The following MNAT1 variants were observed in gnomAD, a reference collection of about 807,000 sequenced individuals.
The protein encoded by MNAT1 is MNAT1 component of CDK activating kinase.
A neutral mutation model predicts 42.0 loss-of-function variants in MNAT1; 43 were observed. That is an observed-to-expected ratio of 1.02 (90% CI 0.80 to 1.32). MNAT1 has a LOEUF of 1.32. MNAT1 is among the 40% of genes most tolerant of loss of function. MNAT1 has a pLI of 0.00. For synonymous variants in MNAT1, 118 were observed against 120.0 expected (o/e 0.98, Z 0.11); for missense variants, 306 against 350.4 (o/e 0.87, Z 1.01).
chr14:60,804,079 A>G (rs2032292861), intron 3 of MNAT1, among the ~76,000 whole-genome samples: 1 of 152,208 alleles, frequency 6.6e-6, no homozygotes, highest in Non-Finnish European at 1.5e-5. Flanking sequence ...AAAGGGTGAG[A>G]AAGTCCTAAG....
At chr14:60,756,088 A>G (rs142620892) in intron 1 of MNAT1, among the ~76,000 whole-genome samples, 1,821 of 152,302 alleles carry the variant, frequency 0.012, 14 homozygotes, top group Middle Eastern at 0.037. Flanking sequence ...TAGACTTTTT[A>G]TTTCTTTCAT....
intron 6 of MNAT1, among the ~76,000 whole-genome samples, chr14:60,846,306 CT>C (rs540709678): frequency 6.6e-6 from 1 of 151,776 alleles, no homozygotes; most frequent in Non-Finnish European, 1.5e-5. Flanking sequence ...TGTTCCTTCT[CT>C]TTTTTTTCCC....
At chr14:60,783,781 C>T (rs755497201) in intron 1 of MNAT1, among the ~76,000 whole-genome samples, 5 of 152,236 alleles carry the variant, frequency 3.3e-5, no homozygotes, top group East Asian at 1.9e-4. Context: ...GGATTACAGG[C>T]GTGAGCCACC....
At chr14:60,840,363 C>G (rs1322079630) in intron 6 of MNAT1, among the ~76,000 whole-genome samples, 2 of 152,196 alleles carry the variant, frequency 1.3e-5, no homozygotes, top group Non-Finnish European at 2.9e-5. Flanking sequence ...AAAAGCATCT[C>G]ATACTACAGT....
chr14:60,949,864 G>A (rs2036349414), intron 7 of MNAT1, among the ~76,000 whole-genome samples: 1 of 151,948 alleles, frequency 6.6e-6, no homozygotes, highest in South Asian at 2.1e-4. Context: ...AGTTTTCTGT[G>A]GGCCTAAGTA....
rs1379748754 is a variant in MNAT1, at chr14:60,746,525, AAAG to A, written c.89+11580_89+11582del. On this transcript the variant is annotated intron_variant, in intron 1 of 7. Transcript: ENST00000261245. ...GTGAGACTCTGTCTCAAAAAAAAAA[AAAG>A]AAGAAAAAATCAGTGTAGTCTGTAG... Among the ~76,000 whole-genome samples, 3 of 151,842 alleles carry A rather than the reference AAAG, an allele frequency of 2.0e-5. No individual in the cohort carries two copies. The South Asian group carries it at 6.2e-4, about 32-fold the overall frequency.
At chr14:60,890,200 C>T (rs931641318) in intron 7 of MNAT1, among the ~76,000 whole-genome samples, 2 of 152,164 alleles carry the variant, frequency 1.3e-5, no homozygotes, top group Non-Finnish European at 2.9e-5. Context: ...TGGAACCAAG[C>T]CAAATGTCCA....
Position 60,734,982 on chromosome 14 carries a change from G to A in MNAT1, c.89+31G>A. 1 of 1,605,768 alleles carries A rather than the reference G, an allele frequency of 6.2e-7. No individual in the cohort carries two copies. ...TTGGGCGGCAGTGGATTCCCTGGGGGAGAGACGCGCTGGGTGGGAGGAGAG... is the reference window on the plus strand; with the variant it reads ...TTGGGCGGCAGTGGATTCCCTGGGGAAGAGACGCGCTGGGTGGGAGGAGAG... On this transcript the variant is annotated intron_variant, in intron 1 of 7. Coordinates refer to ENST00000261245, the MANE Select transcript of MNAT1 (RefSeq NM_002431.4). This position sits in a 1 kb window ranked among gnomAD's most constrained non-coding sequence, Gnocchi z 4.3.
intron 1 of MNAT1, among the ~76,000 whole-genome samples, chr14:60,763,918 T>A (rs968276436): frequency 8.5e-5 from 13 of 152,236 alleles, no homozygotes; most frequent in Non-Finnish European, 1.8e-4. Flanking sequence ...TTTTGCTTCA[T>A]GTAAACTAGT....
intron 3 of MNAT1, among the ~76,000 whole-genome samples, chr14:60,802,862 G>A (rs1237659557): frequency 6.6e-6 from 1 of 151,244 alleles, no homozygotes; most frequent in Middle Eastern, 3.4e-3. Context: ...GACCTTTTAA[G>A]TTTTGTTAGA....
chr14:60,914,199 C>G (rs1040273405), intron 7 of MNAT1, among the ~76,000 whole-genome samples: 6 of 152,178 alleles, frequency 3.9e-5, no homozygotes, highest in East Asian at 3.9e-4. Context: ...GTGGGAGTGA[C>G]CCAATTTTCC....
At chr14:60,920,480 C>T (rs896984576) in intron 7 of MNAT1, among the ~76,000 whole-genome samples, 4 of 151,932 alleles carry the variant, frequency 2.6e-5, no homozygotes, top group Non-Finnish European at 4.4e-5. Context: ...AGTGCAGTGG[C>T]GCGATTTCGT....
At chr14:60,778,017 T>C (rs2031313565) in intron 1 of MNAT1, among the ~76,000 whole-genome samples, 1 of 152,206 alleles carries the variant, frequency 6.6e-6, no homozygotes, top group African/African-American at 2.4e-5. Context: ...GACTTTGAAA[T>C]CTGTGCTGGG....
intron 1 of MNAT1, among the ~76,000 whole-genome samples, chr14:60,778,222 T>G (rs1189731403): frequency 6.6e-6 from 1 of 152,116 alleles, no homozygotes; most frequent in Non-Finnish European, 1.5e-5. Context: ...CCTACTCTTG[T>G]TAGAATGGGG....
intron 6 of MNAT1, among the ~76,000 whole-genome samples, chr14:60,878,360 ATGGGTTCCTTTTACAAATTTTT>A (rs1270420073): frequency 6.6e-6 from 1 of 152,058 alleles, no homozygotes; most frequent in African/African-American, 2.4e-5. Context: ...CTGAAGAAAA[ATGGGTTCCTTTTACAAATTTTT>A]TGAGGTTAGG....
At chr14:60,844,918 A>G (rs531449163) in intron 6 of MNAT1, among the ~76,000 whole-genome samples, 1 of 152,122 alleles carries the variant, frequency 6.6e-6, no homozygotes, top group East Asian at 1.9e-4. Flanking sequence ...AGTGATTTAA[A>G]TTGATTCATT....
chr14:60,875,850 G>A (rs1279043381), intron 6 of MNAT1, among the ~76,000 whole-genome samples: 1 of 151,994 alleles, frequency 6.6e-6, no homozygotes, highest in Non-Finnish European at 1.5e-5. Flanking sequence ...ATCTTCCTTG[G>A]AAGGTAATCC....
rs977983682 is a variant in MNAT1 at position 60,774,302 on chromosome 14, A to G, written c.90-21915A>G. On this transcript the variant is annotated intron_variant, in intron 1 of 7. Transcript: ENST00000261245. ...GGGAAGAACAGAATGTATGGCTGAG[A>G]AGACAAATGCAGTTGCCCTAAGGCT... Among the ~76,000 whole-genome samples the G allele has an allele frequency of 3.9e-5, 6 of 152,188 alleles. No individual in the cohort carries two copies. In the East Asian group the frequency reaches 1.2e-3, roughly 29 times the overall value.
At chr14:60,776,191 AG>A in intron 1 of MNAT1, among the ~76,000 whole-genome samples, 1 of 152,228 alleles carries the variant, frequency 6.6e-6, no homozygotes, top group South Asian at 2.1e-4. Flanking sequence ...GGACCTTGAG[AG>A]GGGTGATAAA....
Sources: allele counts gnomAD v4.1 joint callset (sites outside exome capture counted in the v4.1 genomes callset), GRCh38; gene constraint gnomAD v4.1.1; non-coding constraint Gnocchi (gnomAD v3.1); transcripts MANE v1.5; gene names NCBI Gene and HGNC (gene_info 2026-07-23, HGNC 2026-07-21).